TBCCD1: variants seen among roughly 807,000 people sequenced by gnomAD.
TBCCD1 encodes the protein TBCC domain containing 1, also known as TBCC domain-containing protein 1.
In TBCCD1, 26 loss-of-function variants were observed where a neutral mutation model predicts 53.4. The ratio of observed to expected loss-of-function variants is 0.49; its 90% CI spans 0.36 to 0.68. The LOEUF is 0.68. TBCCD1 is among the 30% of genes least tolerant of loss of function. The pLI is 0.00. For synonymous variants in TBCCD1, 245 were observed against 241.7 expected (o/e 1.01, Z -0.13); for missense variants, 558 against 669.5 (o/e 0.83, Z 1.84).
At chr3:186,563,244 T>C (rs1714735669) in intron 2 of TBCCD1, among the ~76,000 whole-genome samples, 2 of 152,382 alleles carry the variant, frequency 1.3e-5, no homozygotes, top group South Asian at 2.1e-4. Flanking sequence ...AAATACTGGG[T>C]TGTCTATTAC....
Position 186,553,058 on chromosome 3 carries a change from C to T in TBCCD1, c.1544+1196G>A, listed in dbSNP as rs551106772. 1.1e-3 allele frequency among the ~76,000 whole-genome samples: 169 copies of T among 152,284 alleles called. 1 individual carries two copies. The highest frequency in any genetic ancestry group is 3.9e-3 in the African/African-American group (163 of 41,546). On this transcript the variant is annotated intron_variant, in intron 6 of 7. Coordinates refer to ENST00000338733, the MANE Select transcript of TBCCD1 (RefSeq NM_018138.5). The stretch of plus-strand genomic sequence containing the variant: ...ATGATGTAATCACTGTTAAAAGGGT[C>T]ACACTGGCAATTTGTTTCAAACTGA...
chr3:186,554,476 T>C lies in TBCCD1; in HGVS notation c.1322A>G (p.Tyr441Cys), dbSNP rs1714468967. 3 of 1,614,254 alleles carry C rather than the reference T, an allele frequency of 1.9e-6. No individual in the cohort carries two copies. The highest frequency in any genetic ancestry group is 2.2e-5 in the East Asian group (1 of 44,884). Residue 441 changes from tyrosine (Y) to cysteine (C), a missense_variant, in exon 6 of 8, where the codon TAT (tyrosine) becomes TGT (cysteine). By Grantham distance (194) the Tyr-to-Cys change is radical. Transcript: ENST00000338733. ...GCACACAACCATTGGATTATCCCAA[T>C]AGTTAGGCACTGTAGCAAGGCCAGT... ...ARTGLATVPN[Y>C]WDNPMVVCRE... is the part of the protein sequence containing the mutation.
In TBCCD1 at chr3:186,554,995, T is replaced by A. The variant is rs990104058; in HGVS notation, c.949A>T (p.Lys317Ter). The change falls in exon 5 of 8, where the codon AAG (lysine) becomes TAG (stop). Residue 317 changes from lysine to a stop codon, truncating the protein, a stop_gained. Transcript: ENST00000338733. LOFTEE classifies it high-confidence loss of function. Reference protein sequence around the residue: ...HRLVVMSQVYKQTLAKSSDTL... With the variant: ...HRLVVMSQVY ...TCTGAGCTCTTAGCCAGTGTCTGCTTGTAAACCTGGCTCATCACTACCAGT... is the reference window on the plus strand; with the variant it reads ...TCTGAGCTCTTAGCCAGTGTCTGCTAGTAAACCTGGCTCATCACTACCAGT... 6.2e-7 allele frequency: 1 copy of A among 1,613,904 alleles called. No homozygotes were observed. Among genetic ancestry groups the A allele is most frequent in the African/African-American group, 1.3e-5 (1 of 74,916 alleles).
At chr3:186,559,510 C>A (rs1714636818) in intron 2 of TBCCD1, among the ~76,000 whole-genome samples, 1 of 152,098 alleles carries the variant, frequency 6.6e-6, no homozygotes, top group Non-Finnish European at 1.5e-5. Context: ...CCCCTGATTA[C>A]CCTCATCTAC....
At chr3:186,559,490 C>T (rs923618532) in intron 2 of TBCCD1, among the ~76,000 whole-genome samples, 1 of 152,150 alleles carries the variant, frequency 6.6e-6, no homozygotes, top group South Asian at 2.1e-4. Context: ...TTGAAGCTCA[C>T]GACTTGAAGC....
chr3:186,550,227 C>CAAAAAA (rs1313844798), intron 7 of TBCCD1, among the ~76,000 whole-genome samples: 1 of 72,366 alleles, frequency 1.4e-5, no homozygotes, highest in Non-Finnish European at 3.1e-5. Flanking sequence ...GACTCTGCCT[C>CAAAAAA]AAAAAAAAAA....
chr3:186,568,549 T>C (rs1714901808), upstream of TBCCD1, among the ~76,000 whole-genome samples: 1 of 152,084 alleles, frequency 6.6e-6, no homozygotes, highest in South Asian at 2.1e-4. Context: ...CAGAACAATA[T>C]AGATTCATGC....
At chr3:186,570,349 T>A (rs1714981882), upstream of TBCCD1, 1 of 514,720 alleles carries the variant, frequency 1.9e-6, no homozygotes, top group African/African-American at 1.9e-5. Context: ...CAGAGAAAAC[T>A]TCTCTCCCAC....
Sources: gnomAD v4.1 joint callset for allele counts (sites outside exome capture counted in the v4.1 genomes callset) on GRCh38, gnomAD v4.1.1 for gene constraint, MANE v1.5 for transcripts, NCBI Gene and HGNC (gene_info 2026-07-23, HGNC 2026-07-21) for gene names.